Variants in MRPL45 observed in about 807,000 individuals in gnomAD.
MRPL45 encodes mitochondrial ribosomal protein L45.
Under a neutral mutation model 38.1 loss-of-function variants are expected in MRPL45, and 20 were observed. That is an observed-to-expected ratio of 0.53 (90% CI 0.37 to 0.76). The LOEUF is 0.76. Among genes scored for constraint, MRPL45 ranks in the 30% least tolerant of loss-of-function variants. The pLI, the probability that MRPL45 is intolerant of heterozygous loss-of-function variation, is 0.00. For synonymous variants in MRPL45, 105 were observed against 128.8 expected (o/e 0.82, Z 1.25); for missense variants, 337 against 395.6 (o/e 0.85, Z 1.26).
rs1469204604 is a variant in MRPL45 at position 38,298,755 on chromosome 17, C to A, written c.244+129C>A. 3.1e-6 allele frequency: 4 copies of A among 1,274,926 alleles called. No individual in the cohort carries two copies. The African/African-American group carries it at 4.5e-5, about 14-fold the overall frequency. 79.0% of individuals were successfully genotyped at this position (1,274,926 alleles called of 1,614,324 possible). A position where few individuals can be genotyped will look rare whatever the true frequency, so the allele number is the denominator to read the frequency against. On this transcript the variant is annotated intron_variant, in intron 2 of 7. Transcript: ENST00000613675. ...TCAGTTCAACCTCAATAATGATTAACCTTATATACACTATATATCATGAAG... is the reference window on the plus strand; with the variant it reads ...TCAGTTCAACCTCAATAATGATTAAACTTATATACACTATATATCATGAAG...
chr17:38,316,104 C>A (rs1369101092), intron 4 of MRPL45, among the ~76,000 whole-genome samples: 1 of 151,746 alleles, frequency 6.6e-6, no homozygotes, highest in East Asian at 1.9e-4. Context: ...TTTTTCTATC[C>A]ATTTCTTTCT....
At chr17:38,312,827 CAG>C (rs1251478992) in intron 4 of MRPL45, among the ~76,000 whole-genome samples, 5 of 130,698 alleles carry the variant, frequency 3.8e-5, no homozygotes, top group African/African-American at 1.5e-4. Context: ...GCCTCAATGA[CAG>C]AGTGAGACTG....
At chr17:38,316,327 T>A (rs183972487) in intron 4 of MRPL45, among the ~76,000 whole-genome samples, 186 of 152,304 alleles carry the variant, frequency 1.2e-3, no homozygotes, top group Non-Finnish European at 2.0e-3. Context: ...ATTGTACTTT[T>A]TAGCTCCAGA....
intron 4 of MRPL45, among the ~76,000 whole-genome samples, chr17:38,313,385 CATAT>C (rs1189832077): frequency 1.0e-4 from 2 of 19,608 alleles, no homozygotes; most frequent in African/African-American, 2.3e-4. Flanking sequence ...TATATATATA[CATAT>C]ATATATATAT....
intron 4 of MRPL45, among the ~76,000 whole-genome samples, chr17:38,313,829 A>G (rs1030530943): frequency 1.3e-5 from 2 of 150,444 alleles, no homozygotes; most frequent in Non-Finnish European, 3.0e-5. Context: ...TGCCCAGCTA[A>G]TTTTTGTAGT....
At chr17:38,305,067 G>A (rs528876436) in intron 3 of MRPL45, among the ~76,000 whole-genome samples, 3 of 151,272 alleles carry the variant, frequency 2.0e-5, no homozygotes, top group Admixed American at 6.6e-5. Context: ...GGATGATCTC[G>A]AGCTCCTGAC....
intron 4 of MRPL45, among the ~76,000 whole-genome samples, chr17:38,312,700 C>T (rs1329106601): frequency 1.3e-5 from 2 of 151,882 alleles, no homozygotes; most frequent in Non-Finnish European, 2.9e-5. Context: ...AAAAATCATC[C>T]GGGCATGGTG....
chr17:38,305,468 C>G (rs1335093213), intron 3 of MRPL45, among the ~76,000 whole-genome samples: 1 of 112,450 alleles, frequency 8.9e-6, no homozygotes, highest in Non-Finnish European at 1.9e-5. Context: ...GACTCTGTCT[C>G]AAAAAAAAAA....
intron 3 of MRPL45, among the ~76,000 whole-genome samples, chr17:38,302,916 G>A (rs905868795): frequency 6.7e-6 from 1 of 149,878 alleles, no homozygotes; most frequent in East Asian, 2.0e-4. Flanking sequence ...GTAGAGACAG[G>A]GTTTCACCAT....
intron 4 of MRPL45, among the ~76,000 whole-genome samples, chr17:38,315,691 T>C (rs1018779749): frequency 1.3e-5 from 2 of 152,060 alleles, no homozygotes; most frequent in Admixed American, 1.3e-4. Flanking sequence ...TGGATGTACA[T>C]ATGAATGTCT....
chr17:38,301,727 A>G (rs2036997889), intron 3 of MRPL45, among the ~76,000 whole-genome samples: 1 of 152,210 alleles, frequency 6.6e-6, no homozygotes, highest in African/African-American at 2.4e-5. Context: ...TTTACCATGC[A>G]GTTCTCTTCT....
intron 2 of MRPL45, among the ~76,000 whole-genome samples, chr17:38,298,976 C>A (rs1708120274): frequency 6.7e-6 from 1 of 150,374 alleles, no homozygotes; most frequent in South Asian, 2.1e-4. Flanking sequence ...GCAACCTCTG[C>A]CCCCCTGGGT....
rs140700150 is a variant in MRPL45, at chr17:38,306,540, A to G, written c.370A>G (p.Arg124Gly). 16 of 1,605,230 alleles carry G rather than the reference A, an allele frequency of 1.0e-5. No homozygotes were observed. Among genetic ancestry groups the G allele is most frequent in the Non-Finnish European group, 1.4e-5 (16 of 1,176,482 alleles). ...TCAGGCTTAATTTTACAGAATCCGG[A>G]GGATAAAAGACTATGATGCCAACTT... ...KTMASQVSIRRIKDYDANFKI... is the reference protein window; with the variant it reads ...KTMASQVSIRGIKDYDANFKI... Residue 124 changes from arginine to glycine, a missense_variant, in exon 4 of 8, where the codon AGG (arginine) becomes GGG (glycine). By Grantham distance (125) the Arg-to-Gly change is moderately radical (BLOSUM62 -2). Around this residue, in one of 3 missense-constraint regions of MRPL45, gnomAD observed 251 missense variants for 269.1 expected, o/e 0.93. Coordinates refer to ENST00000613675, the MANE Select transcript of MRPL45 (RefSeq NM_032351.6).
chr17:38,304,529 C>T (rs1192920092), intron 3 of MRPL45, among the ~76,000 whole-genome samples: 1 of 152,006 alleles, frequency 6.6e-6, no homozygotes, highest in Admixed American at 6.6e-5. Flanking sequence ...GCTCTGTTGT[C>T]TTTGTAATTA....
At chr17:38,321,937 CAGG>C (rs2037233642) in intron 6 of MRPL45, among the ~76,000 whole-genome samples, 186 bp from the exon 7 acceptor site, 1 of 150,886 alleles carries the variant, frequency 6.6e-6, no homozygotes, top group South Asian at 2.1e-4. Flanking sequence ...GAGGCTGAGG[CAGG>C]AGAATTGCTT....
In MRPL45 at chr17:38,320,710, T is replaced by C. The variant is rs776748700; in HGVS notation, c.603T>C (p.Ser201=). ...PSHVVQVRCS[S]MMNQGNVYGQ... ...ATGTTGTTCAAGTTCGCTGTTCAAG[T>C]ATGATGAACCAGGGCAACGTGTACG... Residue 201 remains serine, a synonymous_variant, in exon 6 of 8, where the codon AGT becomes AGC. Transcript: ENST00000613675. The C allele has an allele frequency of 6.2e-7, 1 of 1,614,154 alleles. No homozygotes were observed. Among genetic ancestry groups the C allele is most frequent in the Admixed American group, 1.7e-5 (1 of 60,028 alleles).
intron 3 of MRPL45, 96 bp from the exon 4 acceptor site, chr17:38,306,437 T>C (rs2144212821): frequency 4.3e-6 from 6 of 1,385,370 alleles, no homozygotes; most frequent in Admixed American, 4.9e-5. Flanking sequence ...TAAACAGTTA[T>C]TGAGTAAGTG....
chr17:38,317,925 C>T (rs1234981949), intron 4 of MRPL45, among the ~76,000 whole-genome samples: 1 of 151,870 alleles, frequency 6.6e-6, no homozygotes, highest in Non-Finnish European at 1.5e-5. Flanking sequence ...CTCGGCCACT[C>T]TGGCAGCAAC....
intron 5 of MRPL45, 98 bp downstream of exon 5, chr17:38,318,833 T>A: frequency 4.8e-5 from 2 of 41,254 alleles, no homozygotes; most frequent in Non-Finnish European, 1.8e-4. Context: ...TTTTCTTTTT[T>A]TTTTTTTTTT....
Sources: gnomAD v4.1 joint callset for allele counts (sites outside exome capture counted in the v4.1 genomes callset) on GRCh38, gnomAD v4.1.1 for gene constraint, gnomAD v4.1.1 regional missense constraint, MANE v1.5 for transcripts, NCBI Gene and HGNC (gene_info 2026-07-23, HGNC 2026-07-21) for gene names.